Variants in LINGO1 observed in about 807,000 individuals in gnomAD.
LINGO1 encodes leucine-rich repeat and immunoglobulin-like domain-containing nogo receptor-interacting protein 1.
LINGO1 carries 11 observed loss-of-function variants against 37.3 expected under a neutral mutation model. The ratio of observed to expected loss-of-function variants is 0.29; its 90% CI spans 0.19 to 0.49. The LOEUF (loss-of-function observed/expected upper bound fraction) is 0.49, where lower values mean the gene tolerates loss of function less well. LINGO1 is among the 20% of genes least tolerant of loss of function. The pLI is 0.99. For synonymous variants in LINGO1, 387 were observed against 403.0 expected (o/e 0.96, Z 0.48); for missense variants, 585 against 878.2 (o/e 0.67, Z 4.22).
At chr15:77,776,526 A>AAAGCAGGAAGGCAGGAAGGCAGGAAGGC (rs1567577779) in intron 1 of LINGO1, among the ~76,000 whole-genome samples, 2 of 35,754 alleles carry the variant, frequency 5.6e-5, no homozygotes, top group Non-Finnish European at 1.2e-4. Context: ...GGAAGGGAGG[A>AAAGCAGGAAGGCAGGAAGGCAGGAAGGC]AGGGAGGGAG....
upstream of LINGO1, among the ~76,000 whole-genome samples, chr15:77,633,263 G>T (rs906839405): frequency 6.9e-6 from 1 of 144,984 alleles, no homozygotes; most frequent in Non-Finnish European, 1.5e-5. Flanking sequence ...GTGTATGCGC[G>T]CACACCGTTG....
rs1360557919 is a variant in LINGO1 at position 77,653,603 on chromosome 15, C to G, written c.-13+23486G>C. On this transcript the variant is annotated intron_variant, in intron 3 of 3. Transcript: ENST00000559893. ...TCATCTGTTAAACGAGGCACGGGACCAGGGGCAGGTTACCCAGCTGGGAGT... is the reference window on the plus strand; with the variant it reads ...TCATCTGTTAAACGAGGCACGGGACGAGGGGCAGGTTACCCAGCTGGGAGT... 3.9e-5 allele frequency among the ~76,000 whole-genome samples: 6 copies of G among 152,288 alleles called. No homozygotes were observed. In the East Asian group the frequency reaches 7.7e-4, roughly 20 times the overall value.
chr15:77,614,906 A>T lies in LINGO1; in HGVS notation c.1001T>A (p.Leu334His). 6.2e-7 allele frequency: 1 copy of T among 1,613,964 alleles called. No individual in the cohort carries two copies. The highest frequency in any genetic ancestry group is 8.5e-7 in the Non-Finnish European group (1 of 1,179,890). Reference protein sequence around the residue: ...AVVEPYAFRGLNYLRVLNVSG... With the variant: ...AVVEPYAFRGHNYLRVLNVSG... ...GACATTGAGCACGCGCAGGTAGTTG[A>T]GGCCGCGGAAGGCATAGGGCTCCAC... is the stretch of plus-strand genomic sequence containing the variant. The change falls in exon 2 of 2, where the codon CTC (leucine) becomes CAC (histidine). Residue 334 changes from leucine (L) to histidine (H), a missense_variant. By Grantham distance (99) the Leu-to-His change is moderately conservative (BLOSUM62 -3). Transcript: ENST00000355300.
At chr15:77,685,906 C>T (rs2075501480) in intron 2 of LINGO1, among the ~76,000 whole-genome samples, 1 of 152,076 alleles carries the variant, frequency 6.6e-6, no homozygotes, top group African/African-American at 2.4e-5. Flanking sequence ...CAGACTCTTC[C>T]CCTTAAAGCA....
intron 1 of LINGO1, among the ~76,000 whole-genome samples, chr15:77,782,295 C>T (rs1012350266): frequency 2.8e-4 from 42 of 152,280 alleles, no homozygotes; most frequent in Non-Finnish European, 4.9e-4. Flanking sequence ...TAGGCTCCCA[C>T]TCCCCGAGTT....
chr15:77,798,058 G>A (rs1200055192), intron 1 of LINGO1, among the ~76,000 whole-genome samples: 1 of 152,218 alleles, frequency 6.6e-6, no homozygotes, highest in Non-Finnish European at 1.5e-5. Context: ...GACCAGTGAA[G>A]AGAGACCTGC....
intron 3 of LINGO1, among the ~76,000 whole-genome samples, chr15:77,654,933 C>G (rs1015277292): frequency 6.6e-6 from 1 of 152,216 alleles, no homozygotes; most frequent in East Asian, 1.9e-4. Context: ...TCCACGCCCC[C>G]GCCCTTTCCT....
At chr15:77,707,384 C>T (rs2141286262) in intron 2 of LINGO1, 1 of 152,344 alleles carries the variant, frequency 6.6e-6, no homozygotes, top group East Asian at 1.9e-4. Context: ...TGGCCACAGA[C>T]CCTACTCACC....
chr15:77,667,309 C>T (rs536354099), intron 3 of LINGO1, among the ~76,000 whole-genome samples: 1 of 152,174 alleles, frequency 6.6e-6, no homozygotes, highest in Admixed American at 6.5e-5. Context: ...ATCTGGATGG[C>T]CCTCAATGGA....
At position 77,657,887 on chromosome 15, in the gene LINGO1, T is replaced by C. The variant is rs575488364; in HGVS notation, c.-13+19202A>G. On this transcript the variant is annotated intron_variant, in intron 3 of 3. Coordinates refer to the LINGO1 transcript ENST00000559893. ...ACATTCTTCACACTCCCGCCTCCTT[T>C]ACTGTTCTGATGCACCAAGACGTGA... 9.8e-4 allele frequency among the ~76,000 whole-genome samples: 149 copies of C among 152,334 alleles called. 3 individuals carry two copies. In the South Asian group the frequency reaches 0.01, roughly 10 times the overall value.
At chr15:77,695,441 C>T (rs1462372332) in intron 1 of LINGO1, among the ~76,000 whole-genome samples, 3 of 152,174 alleles carry the variant, frequency 2.0e-5, no homozygotes, top group African/African-American at 4.8e-5. Flanking sequence ...TCCTGATCAA[C>T]GCAAGGCCCG....
At position 77,632,370 on chromosome 15, in the gene LINGO1, C is replaced by A; in HGVS notation, c.-55G>T. 1.5e-6 allele frequency: 2 copies of A among 1,372,092 alleles called. No individual in the cohort carries two copies. The allele number at this position is 1,372,092 out of a possible 1,614,324, so 85.0% of individuals were successfully genotyped here. A position where few individuals can be genotyped will look rare whatever the true frequency, so the allele number is the denominator to read the frequency against. On this transcript the variant is annotated 5_prime_UTR_variant, in exon 1 of 2. Coordinates refer to ENST00000355300, the MANE Select transcript of LINGO1 (RefSeq NM_032808.7). The surrounding 1 kb of genome is among the most constrained non-coding windows in gnomAD (Gnocchi z 6.0). ...GGTCACCAATCGCATGTCTCTCCAG[C>A]CGGCCCGACCAGGCCCCAGCCCCTG...
chr15:77,682,918 A>G (rs1363880333), intron 2 of LINGO1, among the ~76,000 whole-genome samples: 1 of 152,198 alleles, frequency 6.6e-6, no homozygotes, highest in Non-Finnish European at 1.5e-5. Context: ...CTCTATGACC[A>G]AAGATACCAC....
chr15:77,659,125 C>T (rs974897399), intron 3 of LINGO1, among the ~76,000 whole-genome samples: 2 of 152,160 alleles, frequency 1.3e-5, no homozygotes, highest in African/African-American at 4.8e-5. Context: ...GCTGGGACTT[C>T]AGCCGTAGGG....
intron 3 of LINGO1, among the ~76,000 whole-genome samples, chr15:77,663,067 T>A (rs990527432): frequency 6.6e-6 from 1 of 152,200 alleles, no homozygotes; most frequent in Non-Finnish European, 1.5e-5. Flanking sequence ...CTCACCTCCA[T>A]AGACATCCAG....
At chr15:77,733,134 C>G (rs988117341) in intron 2 of LINGO1, among the ~76,000 whole-genome samples, 1 of 152,180 alleles carries the variant, frequency 6.6e-6, no homozygotes, top group African/African-American at 2.4e-5. Context: ...TCAGGACAAG[C>G]GCCTGGAACT....
chr15:77,614,021 G>GGTCCCTGCCCCCCGCCCCGGCC lies in LINGO1; in HGVS notation c.*1_*22dup. ...CCCTTCCCCTGCCCGGCCGCCCGGGGGTCCCTGCCCCCCGCCCCGGCCTCA... is the reference window on the plus strand; with the variant it reads ...CCCTTCCCCTGCCCGGCCGCCCGGGGGTCCCTGCCCCCCGCCCCGGCCGTCCCTGCCCCCCGCCCCGGCCTCA... On this transcript the variant is annotated 3_prime_UTR_variant, in exon 2 of 2. Coordinates refer to ENST00000355300, the MANE Select transcript of LINGO1 (RefSeq NM_032808.7). The GGTCCCTGCCCCCCGCCCCGGCC allele has an allele frequency of 6.5e-7, 1 of 1,544,270 alleles. No homozygotes were observed. Among genetic ancestry groups the GGTCCCTGCCCCCCGCCCCGGCC allele is most frequent in the Non-Finnish European group, 8.7e-7 (1 of 1,142,866 alleles).
chr15:77,613,875 G>A lies in LINGO1; in HGVS notation c.*169C>T. ...CTTCTGAGGTCCTGGTAGAAGGAGGGCAGGTGGTGAGGGCTGGCGGGGGGC... is the reference window on the plus strand; with the variant it reads ...CTTCTGAGGTCCTGGTAGAAGGAGGACAGGTGGTGAGGGCTGGCGGGGGGC... On this transcript the variant is annotated 3_prime_UTR_variant, in exon 2 of 2. Transcript: ENST00000355300. 1.6e-6 allele frequency: 1 copy of A among 634,752 alleles called. No individual in the cohort carries two copies. Among genetic ancestry groups the A allele is most frequent in the Non-Finnish European group, 2.7e-6 (1 of 369,490 alleles). 39.3% of individuals were successfully genotyped at this position (634,752 alleles called of 1,614,324 possible).
intron 3 of LINGO1, among the ~76,000 whole-genome samples, chr15:77,668,584 A>G (rs1311736759): frequency 6.6e-6 from 1 of 152,198 alleles, no homozygotes; most frequent in African/African-American, 2.4e-5. Flanking sequence ...TGTCAGAGAA[A>G]TGCACTTTAC....
Sources: gnomAD v4.1 joint callset for allele counts (sites outside exome capture counted in the v4.1 genomes callset) on GRCh38, gnomAD v4.1.1 for gene constraint, Gnocchi (gnomAD v3.1) non-coding constraint, MANE v1.5 for transcripts, NCBI Gene and HGNC (gene_info 2026-07-23, HGNC 2026-07-21) for gene names.